The following PIK3IP1 variants were observed in gnomAD, a reference collection of about 807,000 sequenced individuals.
PIK3IP1 encodes phosphoinositide-3-kinase interacting protein 1, also known as phosphoinositide-3-kinase-interacting protein 1.
PIK3IP1 carries 28 observed loss-of-function variants against 30.7 expected under a neutral mutation model. The ratio of observed to expected loss-of-function variants is 0.91; its 90% CI spans 0.68 to 1.25. The LOEUF is 1.25. PIK3IP1 is among the 50% of genes most tolerant of loss of function. PIK3IP1 has a pLI of 0.00. For synonymous variants in PIK3IP1, 159 were observed against 140.8 expected, an observed-to-expected ratio of 1.13 and a Z score of -0.91; for missense variants, 333 against 346.2, an observed-to-expected ratio of 0.96 and a Z score of 0.30.
Position 31,291,082 on chromosome 22 carries a change from C to T in PIK3IP1, c.190G>A (p.Ala64Thr), listed in dbSNP as rs1341451203. ...SGLASAPVSG[A>T]GNHSYCRNPD... ...TTTCGGCAGTAACTGTGATTGCCGGCCCCTAAGAGAGGAGAGAAGGAAATG... is the reference window on the plus strand; with the variant it reads ...TTTCGGCAGTAACTGTGATTGCCGGTCCCTAAGAGAGGAGAGAAGGAAATG... Residue 64 changes from alanine (A) to threonine (T), a missense_variant and splice_region_variant, in exon 3 of 6, where the codon GCC (alanine) becomes ACC (threonine). This residue lies in a region of PIK3IP1 where 111 missense variants were observed against 100.1 expected (regional missense o/e 1.11). Transcript: ENST00000215912. The T allele has an allele frequency of 7.1e-6, 11 of 1,552,094 alleles. No homozygotes were observed. In the African/African-American group the frequency reaches 1.2e-4, roughly 17 times the overall value.
intron 5 of PIK3IP1, among the ~76,000 whole-genome samples, chr22:31,284,914 C>A (rs138276938): frequency 6.6e-6 from 1 of 152,024 alleles, no homozygotes; most frequent in East Asian, 1.9e-4. Flanking sequence ...TGCCTGCCCA[C>A]CCATCCCAGC....
intron 1 of PIK3IP1, 96 bp downstream of exon 1, chr22:31,292,179 T>C: frequency 8.0e-7 from 1 of 1,256,802 alleles, no homozygotes; most frequent in Non-Finnish European, 1.1e-6. Context: ...GGCTAAACGC[T>C]TCGTTTCCTG....
chr22:31,290,015 C>A (rs1359698304), intron 3 of PIK3IP1: 2 of 298,442 alleles, frequency 6.7e-6, no homozygotes, highest in East Asian at 6.5e-5. Context: ...ATTCCCCCCA[C>A]TTCTACTTCA....
intron 5 of PIK3IP1, among the ~76,000 whole-genome samples, chr22:31,288,161 G>A (rs977605850): frequency 6.6e-5 from 10 of 151,954 alleles, no homozygotes; most frequent in Admixed American, 1.3e-4. Context: ...AGGACTGCTT[G>A]AGCCCAGGAG....
intron 3 of PIK3IP1, 71 bp downstream of exon 3, chr22:31,290,894 T>A: frequency 6.8e-7 from 1 of 1,471,626 alleles, no homozygotes; most frequent in Non-Finnish European, 9.0e-7. Flanking sequence ...CGGCCGCACG[T>A]GCGCCACGAG....
intron 1 of PIK3IP1, 62 bp downstream of exon 1, chr22:31,292,213 T>C: frequency 1.3e-6 from 2 of 1,518,842 alleles, no homozygotes; most frequent in Non-Finnish European, 1.8e-6. Flanking sequence ...GTTTGGGAAA[T>C]AGGGGGCTTT....
At position 31,291,083 on chromosome 22, in the gene PIK3IP1, C is replaced by A; in HGVS notation, c.189G>T (p.Gly63=). Residue 63 remains glycine (G), a splice_region_variant and synonymous_variant, in exon 3 of 6, where the codon GGG becomes GGT. Coordinates refer to ENST00000215912, the MANE Select transcript of PIK3IP1 (RefSeq NM_052880.5). ...TTCGGCAGTAACTGTGATTGCCGGC[C>A]CCTAAGAGAGGAGAGAAGGAAATGT... ...QSGLASAPVS[G]AGNHSYCRNP... 1 of 1,551,996 alleles carries A rather than the reference C, an allele frequency of 6.4e-7. No individual in the cohort carries two copies. The highest frequency in any genetic ancestry group is 8.7e-7 in the Non-Finnish European group (1 of 1,147,502).
At chr22:31,290,789 G>A (rs2049169778) in intron 3 of PIK3IP1, 176 bp downstream of exon 3, 5 of 911,342 alleles carry the variant, frequency 5.5e-6, no homozygotes, top group Non-Finnish European at 7.7e-6. Context: ...CATACGAGTG[G>A]CGGCGGCGGC....
At chr22:31,292,219 G>A (rs2049185944) in intron 1 of PIK3IP1, 56 bp downstream of exon 1, 2 of 1,545,422 alleles carry the variant, frequency 1.3e-6, no homozygotes, top group Non-Finnish European at 1.8e-6. Flanking sequence ...GAAATAGGGG[G>A]CTTTACCCCT....
At chr22:31,288,333 C>T (rs940616829) in intron 5 of PIK3IP1, among the ~76,000 whole-genome samples, 7 of 147,098 alleles carry the variant, frequency 4.8e-5, no homozygotes, top group African/African-American at 1.8e-4. Context: ...GAGCCGTGAT[C>T]GCACCACTGC....
chr22:31,283,170 C>G lies in PIK3IP1; in HGVS notation c.706G>C (p.Val236Leu). 1 of 1,614,214 alleles carries G rather than the reference C, an allele frequency of 6.2e-7. No homozygotes were observed. Among genetic ancestry groups the G allele is most frequent in the Non-Finnish European group, 8.5e-7 (1 of 1,180,030 alleles). ...GGAGTCTGGCTGGTGTGGACCACGA[C>G]AGTCTTCTCATCCACAATCTCACAG... is the stretch of plus-strand genomic sequence containing the variant. ...PTCEIVDEKTVVVHTSQTPVD... is the reference protein window; with the variant it reads ...PTCEIVDEKTLVVHTSQTPVD... Residue 236 changes from valine to leucine, a missense_variant, in exon 6 of 6, where the codon GTC becomes CTC. Transcript: ENST00000215912.
Position 31,283,081 on chromosome 22 carries a change from G to A in PIK3IP1, c.*3C>T, listed in dbSNP as rs760540444. ...TGCATGGGCTCCTGCCCACTGGGGG[G>A]GCTCAGGCCCCAGGAGTCCCGGCCT... On this transcript the variant is annotated 3_prime_UTR_variant, in exon 6 of 6. Transcript: ENST00000215912. The A allele has an allele frequency of 7.6e-6, 12 of 1,586,016 alleles. No homozygotes were observed. Among genetic ancestry groups the A allele is most frequent in the South Asian group, 1.1e-5 (1 of 88,240 alleles).
chr22:31,289,474 G>C (rs1171599737), intron 4 of PIK3IP1, 25 bp downstream of exon 4: 2 of 1,540,778 alleles, frequency 1.3e-6, no homozygotes, highest in Non-Finnish European at 1.8e-6. Context: ...ATCCCAACGA[G>C]GGCAGGGGTG....
At chr22:31,291,353 C>T in intron 1 of PIK3IP1, 57 bp from the exon 2 acceptor site, 1 of 1,514,824 alleles carries the variant, frequency 6.6e-7, no homozygotes, top group Non-Finnish European at 9.0e-7. Flanking sequence ...GGAAGACGCC[C>T]AGCGTGGCGG....
chr22:31,281,723 A>G lies in PIK3IP1; in HGVS notation c.*1361T>C, dbSNP rs1471453526. ...TTATAGAAAAGTAGAAACCAGTAATATTCTCTTCTCCAGCATCACTAACAC... is the reference window on the plus strand; with the variant it reads ...TTATAGAAAAGTAGAAACCAGTAATGTTCTCTTCTCCAGCATCACTAACAC... On this transcript the variant is annotated 3_prime_UTR_variant, in exon 6 of 6. Transcript: ENST00000215912. 6.6e-6 allele frequency: 1 copy of G among 152,638 alleles called. No homozygotes were observed. Among genetic ancestry groups the G allele is most frequent in the African/African-American group, 2.4e-5 (1 of 41,444 alleles). 9.5% of individuals were successfully genotyped at this position (152,638 alleles called of 1,614,324 possible). A position where few individuals can be genotyped will look rare whatever the true frequency, so the allele number is the denominator to read the frequency against.
chr22:31,282,149 C>G lies in PIK3IP1; in HGVS notation c.*935G>C, dbSNP rs1222374476. 6.6e-6 allele frequency: 1 copy of G among 152,288 alleles called. No individual in the cohort carries two copies. Among genetic ancestry groups the G allele is most frequent in the African/African-American group, 2.4e-5 (1 of 41,464 alleles). 9.4% of individuals were successfully genotyped at this position (152,288 alleles called of 1,614,324 possible). A position where few individuals can be genotyped will look rare whatever the true frequency, so the allele number is the denominator to read the frequency against. On this transcript the variant is annotated 3_prime_UTR_variant, in exon 6 of 6. Coordinates refer to ENST00000215912, the MANE Select transcript of PIK3IP1 (RefSeq NM_052880.5). ...GCTGACCTGGACGCCCGCAGGACCA[C>G]CTGCTAAATCAGGCCCACTTGGGGA...
At chr22:31,291,871 G>T (rs1443068450) in intron 1 of PIK3IP1, among the ~76,000 whole-genome samples, 1 of 152,194 alleles carries the variant, frequency 6.6e-6, no homozygotes, top group East Asian at 1.9e-4. Context: ...ATTCAAGACA[G>T]CCTCAAACGG....
At chr22:31,292,133 G>T in intron 1 of PIK3IP1, 142 bp downstream of exon 1, 1 of 731,152 alleles carries the variant, frequency 1.4e-6, no homozygotes. Context: ...ACAAGGAAAG[G>T]AGGGGTGGAA....
Position 31,283,048 on chromosome 22 carries a change from C to T in PIK3IP1, c.*36G>A. ...CTGTAGGAGGGTGGGCTGTCCTGCA[C>T]CAGTGTCTGCATGGGCTCCTGCCCA... On this transcript the variant is annotated 3_prime_UTR_variant, in exon 6 of 6. Transcript: ENST00000215912. 3 of 1,526,910 alleles carry T rather than the reference C, an allele frequency of 2.0e-6. No homozygotes were observed. Among genetic ancestry groups the T allele is most frequent in the Admixed American group, 1.9e-5 (1 of 51,364 alleles). The allele number at this position is 1,526,910 out of a possible 1,614,324, so 94.6% of individuals were successfully genotyped here.
Sources: gnomAD v4.1 joint callset for allele counts (sites outside exome capture counted in the v4.1 genomes callset) on GRCh38, gnomAD v4.1.1 for gene constraint, gnomAD v4.1.1 regional missense constraint, MANE v1.5 for transcripts, NCBI Gene and HGNC (gene_info 2026-07-23, HGNC 2026-07-21) for gene names.